Variants in PBX3 observed in about 807,000 individuals in gnomAD.
The protein encoded by PBX3 is pre-B-cell leukemia transcription factor 3.
PBX3 carries 14 observed loss-of-function variants against 48.5 expected under a neutral mutation model. That is an observed-to-expected ratio of 0.29 (90% confidence interval 0.19 to 0.45). The LOEUF is 0.45. Ranked by LOEUF, PBX3 falls within the 20% of genes least tolerant of loss-of-function variation. The pLI, the probability that PBX3 is intolerant of heterozygous loss-of-function variation, is 1.00. For synonymous variants in PBX3, 210 were observed against 200.3 expected (o/e 1.05, Z -0.41); for missense variants, 386 against 546.7 (o/e 0.71, Z 2.93).
At chr9:125,814,420 T>C (rs1057454437) in intron 2 of PBX3, among the ~76,000 whole-genome samples, 1 of 152,162 alleles carries the variant, frequency 6.6e-6, no homozygotes, top group African/African-American at 2.4e-5. Flanking sequence ...CAAACTGTAC[T>C]GTTCTATTTA....
chr9:125,949,963 A>G (rs7024493), intron 5 of PBX3, among the ~76,000 whole-genome samples: 89,580 of 152,030 alleles, frequency 0.59, 29,450 homozygotes, highest in East Asian at 0.77. Context: ...CACAGTTGTG[A>G]TGTCAGTGTT....
At chr9:125,761,659 C>T (rs1836670914) in intron 2 of PBX3, among the ~76,000 whole-genome samples, 1 of 152,102 alleles carries the variant, frequency 6.6e-6, no homozygotes, top group Non-Finnish European at 1.5e-5. Flanking sequence ...CCCTACCTTT[C>T]TAATAAAGTG....
chr9:125,917,227 AGAG>A (rs1226091064), intron 3 of PBX3, among the ~76,000 whole-genome samples: 4 of 152,308 alleles, frequency 2.6e-5, no homozygotes, highest in Admixed American at 2.6e-4. Flanking sequence ...ACTCTTTTAA[AGAG>A]GAGTTTTAAG....
intron 2 of PBX3, among the ~76,000 whole-genome samples, chr9:125,788,792 T>G (rs1242163730): frequency 6.6e-6 from 1 of 151,968 alleles, no homozygotes; most frequent in Admixed American, 6.6e-5. Flanking sequence ...GGAGAATGGC[T>G]TGAACCTGGG....
chr9:125,839,248 A>G (rs1231708976), intron 2 of PBX3, among the ~76,000 whole-genome samples: 1 of 152,210 alleles, frequency 6.6e-6, no homozygotes, highest in African/African-American at 2.4e-5. Flanking sequence ...GATACTCAAT[A>G]GATATGTTAC....
intron 3 of PBX3, among the ~76,000 whole-genome samples, chr9:125,927,882 T>C (rs932702825): frequency 6.6e-6 from 1 of 151,842 alleles, no homozygotes; most frequent in Non-Finnish European, 1.5e-5. Context: ...CTAAAAAAGA[T>C]TTAAAAATTA....
intron 5 of PBX3, among the ~76,000 whole-genome samples, chr9:125,954,039 G>T (rs1361438546): frequency 6.6e-6 from 1 of 152,166 alleles, no homozygotes; most frequent in Non-Finnish European, 1.5e-5. Flanking sequence ...CATTGTGTTG[G>T]TTTTCTTTTC....
intron 3 of PBX3, among the ~76,000 whole-genome samples, chr9:125,928,992 G>A (rs1015110436): frequency 6.6e-6 from 1 of 152,082 alleles, no homozygotes; most frequent in Admixed American, 6.6e-5. Context: ...ATTCCTATTT[G>A]CCATTCTCTG....
intron 3 of PBX3, among the ~76,000 whole-genome samples, chr9:125,928,508 C>T (rs925280170): frequency 6.6e-6 from 1 of 151,124 alleles, no homozygotes; most frequent in African/African-American, 2.4e-5. Context: ...CTTTGTTGCC[C>T]AGGCTGGAGT....
intron 2 of PBX3, among the ~76,000 whole-genome samples, chr9:125,802,865 G>A (rs1214894187): frequency 6.6e-6 from 1 of 151,912 alleles, no homozygotes; most frequent in Admixed American, 6.6e-5. Flanking sequence ...TTTTAGTAGA[G>A]ACAAGGTTTC....
At chr9:125,839,355 A>G (rs574564672) in intron 2 of PBX3, among the ~76,000 whole-genome samples, 1 of 152,352 alleles carries the variant, frequency 6.6e-6, no homozygotes, top group Non-Finnish European at 1.5e-5. Context: ...AATAAAGAGG[A>G]CTATACTCAG....
intron 8 of PBX3, among the ~76,000 whole-genome samples, chr9:125,963,379 C>T (rs1339140283): frequency 6.6e-6 from 1 of 152,042 alleles, no homozygotes; most frequent in Non-Finnish European, 1.5e-5. Context: ...GTGCTGTGCT[C>T]CAGGGAGACG....
chr9:125,802,358 C>CTTTT (rs1837979478), intron 2 of PBX3, among the ~76,000 whole-genome samples: 3 of 22,540 alleles, frequency 1.3e-4, no homozygotes, highest in Admixed American at 7.1e-4. Flanking sequence ...AACATTAGTG[C>CTTTT]ATTTTTTTTT....
At chr9:125,803,156 C>G (rs376520687) in intron 2 of PBX3, among the ~76,000 whole-genome samples, 1 of 136,846 alleles carries the variant, frequency 7.3e-6, no homozygotes, top group African/African-American at 2.8e-5. Flanking sequence ...TGCAGTGGTG[C>G]GATCTCCCCT....
At chr9:125,815,461 TTTG>T (rs1366802145) in intron 2 of PBX3, among the ~76,000 whole-genome samples, 4 of 152,182 alleles carry the variant, frequency 2.6e-5, no homozygotes, top group Non-Finnish European at 5.9e-5. Context: ...CCTCTCTGGT[TTTG>T]TTGTTGTATT....
chr9:125,770,821 CT>C (rs1836922186), intron 2 of PBX3, among the ~76,000 whole-genome samples: 1 of 152,202 alleles, frequency 6.6e-6, no homozygotes, highest in Non-Finnish European at 1.5e-5. Context: ...AGAACCACCT[CT>C]TTGGCAAATC....
At chr9:125,806,240 A>G (rs1487149495) in intron 2 of PBX3, among the ~76,000 whole-genome samples, 1 of 152,194 alleles carries the variant, frequency 6.6e-6, no homozygotes, top group Non-Finnish European at 1.5e-5. Context: ...TGGTAGGAGC[A>G]TGCTTGTGAA....
At chr9:125,926,568 G>A (rs1336619016) in intron 3 of PBX3, among the ~76,000 whole-genome samples, 1 of 152,026 alleles carries the variant, frequency 6.6e-6, no homozygotes, top group East Asian at 1.9e-4. Context: ...TATAATCCCA[G>A]CACTTTGGGA....
At chr9:125,895,782 T>G (rs1840755591) in intron 2 of PBX3, among the ~76,000 whole-genome samples, 1 of 152,074 alleles carries the variant, frequency 6.6e-6, no homozygotes, top group Admixed American at 6.6e-5. Context: ...TTTTCATGCA[T>G]ACAAAATAAT....
Sources: gnomAD v4.1 joint callset for allele counts (sites outside exome capture counted in the v4.1 genomes callset) on GRCh38, gnomAD v4.1.1 for gene constraint, MANE v1.5 for transcripts, NCBI Gene and HGNC (gene_info 2026-07-23, HGNC 2026-07-21) for gene names.